The following ARHGAP12 variants were observed in gnomAD, a reference collection of about 807,000 sequenced individuals.
The protein encoded by ARHGAP12 is Rho GTPase activating protein 12.
In ARHGAP12, 64 loss-of-function variants were observed where a neutral mutation model predicts 108.6. The ratio of observed to expected loss-of-function variants is 0.59; its 90% CI spans 0.48 to 0.73. The LOEUF is 0.73. Among genes scored for constraint, ARHGAP12 ranks in the 30% least tolerant of loss-of-function variants. The pLI is 0.00. For synonymous variants in ARHGAP12, 312 were observed against 337.2 expected, an observed-to-expected ratio of 0.93 and a Z score of 0.82; for missense variants, 940 against 1,005.9, an observed-to-expected ratio of 0.93 and a Z score of 0.89.
Position 31,807,603 on chromosome 10 carries a change from C to T in ARHGAP12, c.*55G>A. 1 of 1,524,892 alleles carries T rather than the reference C, an allele frequency of 6.6e-7. No homozygotes were observed. 94.5% of individuals were successfully genotyped at this position (1,524,892 alleles called of 1,614,324 possible). A position where few individuals can be genotyped will look rare whatever the true frequency, so the allele number is the denominator to read the frequency against. On this transcript the variant is annotated 3_prime_UTR_variant, in exon 20 of 20. Transcript: ENST00000344936. Reference sequence around the variant, plus strand: ...AAAAATAAAATACATTGTGTATAAACATTTGAAATCTGATGGAATCCAGCT... The same window carrying T: ...AAAAATAAAATACATTGTGTATAAATATTTGAAATCTGATGGAATCCAGCT...
At chr10:31,912,551 A>G (rs771366497) in intron 1 of ARHGAP12, among the ~76,000 whole-genome samples, 1 of 152,220 alleles carries the variant, frequency 6.6e-6, no homozygotes, top group Non-Finnish European at 1.5e-5. Flanking sequence ...CGGTTTTACT[A>G]TGTTCAACAT....
rs1837106922 is a variant in ARHGAP12, at chr10:31,861,391, A to G, written c.948+4T>C. Reference sequence around the variant, plus strand: ...CTTGCAGTTGATTCCTTAATTACTCATACCTCTTGATCCCCTGGATTTTGG... The same window carrying G: ...CTTGCAGTTGATTCCTTAATTACTCGTACCTCTTGATCCCCTGGATTTTGG... On this transcript the variant is annotated splice_donor_region_variant and intron_variant, in intron 4 of 19. Coordinates refer to ENST00000344936, the MANE Select transcript of ARHGAP12 (RefSeq NM_018287.7). 1 of 1,603,888 alleles carries G rather than the reference A, an allele frequency of 6.2e-7. No homozygotes were observed. The highest frequency in any genetic ancestry group is 1.1e-5 in the South Asian group (1 of 89,074).
chr10:31,856,911 GA>G (rs1244715359), intron 4 of ARHGAP12, among the ~76,000 whole-genome samples: 1 of 151,592 alleles, frequency 6.6e-6, no homozygotes. Flanking sequence ...TTCACTGCAG[GA>G]AAAAAAACTA....
chr10:31,919,739 C>A (rs1409893047), intron 1 of ARHGAP12, among the ~76,000 whole-genome samples: 1 of 151,070 alleles, frequency 6.6e-6, no homozygotes, highest in Admixed American at 6.6e-5. Flanking sequence ...TCCAGTGAGC[C>A]GAGATCGCAC....
intron 3 of ARHGAP12, among the ~76,000 whole-genome samples, chr10:31,885,845 AAAACAC>A (rs1838169485): frequency 6.6e-6 from 1 of 152,120 alleles, no homozygotes; most frequent in Non-Finnish European, 1.5e-5. Context: ...TTTAATTAAA[AAAACAC>A]AAACAAACAA....
chr10:31,870,716 G>A (rs1837508888), intron 3 of ARHGAP12, among the ~76,000 whole-genome samples: 1 of 152,060 alleles, frequency 6.6e-6, no homozygotes, highest in South Asian at 2.1e-4. Context: ...AATATTACCT[G>A]AAAAATATAA....
chr10:31,893,682 T>C (rs1457312978), intron 3 of ARHGAP12, among the ~76,000 whole-genome samples: 1 of 152,184 alleles, frequency 6.6e-6, no homozygotes, highest in East Asian at 1.9e-4. Context: ...GAGGAGCTGG[T>C]ACCATTTCTT....
At chr10:31,810,584 T>C (rs1040703314) in intron 16 of ARHGAP12, 65 bp downstream of exon 16, 5 of 1,153,500 alleles carry the variant, frequency 4.3e-6, no homozygotes, top group South Asian at 3.0e-5. Flanking sequence ...TCTAGGAATT[T>C]TGATGGCAAA....
intron 1 of ARHGAP12, among the ~76,000 whole-genome samples, chr10:31,917,225 C>G (rs1383491834): frequency 1.3e-5 from 2 of 151,654 alleles, no homozygotes; most frequent in Non-Finnish European, 2.9e-5. Flanking sequence ...CTGGTTAACA[C>G]GGTGAAACCT....
At chr10:31,915,599 C>T (rs1344328744) in intron 1 of ARHGAP12, among the ~76,000 whole-genome samples, 2 of 152,040 alleles carry the variant, frequency 1.3e-5, no homozygotes, top group Non-Finnish European at 1.5e-5. Context: ...TGTGCTCTCA[C>T]CACTAAAATG....
chr10:31,854,007 A>C, intron 5 of ARHGAP12, 59 bp downstream of exon 5: 1 of 1,533,026 alleles, frequency 6.5e-7, no homozygotes, highest in Non-Finnish European at 8.8e-7. Flanking sequence ...ACTGCAGTAC[A>C]CAACTATTTT....
intron 3 of ARHGAP12, among the ~76,000 whole-genome samples, chr10:31,896,692 A>C (rs892459765): frequency 2.0e-5 from 3 of 152,206 alleles, no homozygotes; most frequent in Admixed American, 6.5e-5. Flanking sequence ...AAAATCAGTG[A>C]GTGAGTTAGG....
chr10:31,810,639 C>A lies in ARHGAP12; in HGVS notation c.2050+10G>T. 1 of 1,530,980 alleles carries A rather than the reference C, an allele frequency of 6.5e-7. No homozygotes were observed. The highest frequency in any genetic ancestry group is 2.4e-5 in the East Asian group (1 of 41,990). 94.8% of individuals were successfully genotyped at this position (1,530,980 alleles called of 1,614,324 possible). A position where few individuals can be genotyped will look rare whatever the true frequency, so the allele number is the denominator to read the frequency against. On this transcript the variant is annotated intron_variant, in intron 16 of 19. Coordinates refer to ENST00000344936, the MANE Select transcript of ARHGAP12 (RefSeq NM_018287.7). ...AATGTTAAAAAAAAAAATCAAAATCCTTCTCTTACCATGTTCTTCAACATG... is the reference window on the plus strand; with the variant it reads ...AATGTTAAAAAAAAAAATCAAAATCATTCTCTTACCATGTTCTTCAACATG...
At chr10:31,863,464 T>C (rs182817967) in intron 3 of ARHGAP12, among the ~76,000 whole-genome samples, 1 of 152,306 alleles carries the variant, frequency 6.6e-6, no homozygotes, top group Admixed American at 6.5e-5. Flanking sequence ...ATGATGTTTA[T>C]GAACAAACTC....
intron 6 of ARHGAP12, among the ~76,000 whole-genome samples, chr10:31,845,538 A>G (rs968113057): frequency 1.3e-5 from 2 of 152,024 alleles, no homozygotes; most frequent in Non-Finnish European, 2.9e-5. Context: ...TAATCCCAAC[A>G]CTTTGGGAGG....
intron 1 of ARHGAP12, among the ~76,000 whole-genome samples, chr10:31,922,773 T>C (rs539082501): frequency 6.6e-6 from 1 of 151,954 alleles, no homozygotes; most frequent in African/African-American, 2.4e-5. Context: ...CAAAAAAAAG[T>C]TGAAGCAGAG....
At chr10:31,911,781 C>T (rs1839361012) in intron 1 of ARHGAP12, among the ~76,000 whole-genome samples, 1 of 152,196 alleles carries the variant, frequency 6.6e-6, no homozygotes, top group African/African-American at 2.4e-5. Flanking sequence ...TTGTCAAAAG[C>T]ATGTTTCACC....
intron 3 of ARHGAP12, among the ~76,000 whole-genome samples, chr10:31,877,114 A>T (rs559014018): frequency 4.6e-5 from 7 of 152,344 alleles, no homozygotes; most frequent in Admixed American, 4.6e-4. Context: ...TCTGTGGCAG[A>T]TCTAAAGTCA....
At chr10:31,880,234 T>C (rs935055757) in intron 3 of ARHGAP12, among the ~76,000 whole-genome samples, 7 of 152,308 alleles carry the variant, frequency 4.6e-5, no homozygotes, top group African/African-American at 1.7e-4. Flanking sequence ...AATAAAAAAA[T>C]GATTAAAATG....
Sources: allele counts gnomAD v4.1 joint callset (sites outside exome capture counted in the v4.1 genomes callset), GRCh38; gene constraint gnomAD v4.1.1; transcripts MANE v1.5; gene names NCBI Gene and HGNC (gene_info 2026-07-23, HGNC 2026-07-21).